The following ANTXR2 variants were observed in gnomAD, a reference collection of about 807,000 sequenced individuals.
The protein encoded by ANTXR2 is ANTXR cell adhesion molecule 2.
In ANTXR2, 44 loss-of-function variants were observed where a neutral mutation model predicts 73.7. The ratio of observed to expected loss-of-function variants is 0.60; its 90% CI spans 0.47 to 0.77. The LOEUF is 0.77. Ranked by LOEUF, ANTXR2 falls within the 30% of genes least tolerant of loss-of-function variation. ANTXR2 has a pLI of 0.00. For synonymous variants in ANTXR2, 217 were observed against 205.9 expected, an observed-to-expected ratio of 1.05 and a Z score of -0.46; for missense variants, 604 against 592.5, an observed-to-expected ratio of 1.02 and a Z score of -0.20.
Position 80,069,445 on chromosome 4 carries a change from G to A in ANTXR2, c.287C>T (p.Thr96Ile), listed in dbSNP as rs778730761. 3 of 1,597,726 alleles carry A rather than the reference G, an allele frequency of 1.9e-6. No homozygotes were observed. The highest frequency in any genetic ancestry group is 2.7e-5 in the African/African-American group (2 of 74,582). Reference sequence around the variant, plus strand: ...ATGATAATGCACTAACCTGTCTCCAGTTAATGGCAAAATAATAGTTGCTTG... The same window carrying A: ...ATGATAATGCACTAACCTGTCTCCAATTAATGGCAAAATAATAGTTGCTTG... ...SSQATIILPLTGDRGKISKGL... is the reference protein window; with the variant it reads ...SSQATIILPLIGDRGKISKGL... Residue 96 changes from threonine (T) to isoleucine (I), a missense_variant, in exon 3 of 17, where the codon ACT becomes ATT. Physicochemically the swap from Thr to Ile is moderately conservative, Grantham distance 89. Coordinates refer to ENST00000403729, the MANE Select transcript of ANTXR2 (RefSeq NM_058172.6).
At chr4:80,069,067 A>T (rs1008319422) in intron 3 of ANTXR2, among the ~76,000 whole-genome samples, 1 of 152,164 alleles carries the variant, frequency 6.6e-6, no homozygotes, top group Non-Finnish European at 1.5e-5. Flanking sequence ...ATCCAAAAGG[A>T]TCCATATCTT....
chr4:79,906,700 A>G lies in ANTXR2; in HGVS notation c.*729T>C, dbSNP rs1457143698. ...CTGGCTAGAGGCCTTCTGTGGAATAACGCTCTATTAATTTTCTTGTCCCGA... is the reference window on the plus strand; with the variant it reads ...CTGGCTAGAGGCCTTCTGTGGAATAGCGCTCTATTAATTTTCTTGTCCCGA... On this transcript the variant is annotated 3_prime_UTR_variant, in exon 17 of 17. Transcript: ENST00000403729. 1 of 152,628 alleles carries G rather than the reference A, an allele frequency of 6.6e-6. No individual in the cohort carries two copies. Among genetic ancestry groups the G allele is most frequent in the African/African-American group, 2.4e-5 (1 of 41,452 alleles). 9.5% of individuals were successfully genotyped at this position (152,628 alleles called of 1,614,324 possible). A position where few individuals can be genotyped will look rare whatever the true frequency, so the allele number is the denominator to read the frequency against.
At chr4:80,055,728 T>G (rs1457825087) in intron 4 of ANTXR2, among the ~76,000 whole-genome samples, 1 of 151,930 alleles carries the variant, frequency 6.6e-6, no homozygotes, top group Non-Finnish European at 1.5e-5. Context: ...GGAAAATTCC[T>G]TAAAAGGCAA....
At chr4:79,955,911 C>T (rs1232892489) in intron 16 of ANTXR2, among the ~76,000 whole-genome samples, 1 of 152,138 alleles carries the variant, frequency 6.6e-6, no homozygotes, top group Non-Finnish European at 1.5e-5. Context: ...TCTTGCATAA[C>T]TCACCTTCTC....
intron 12 of ANTXR2, among the ~76,000 whole-genome samples, chr4:79,994,422 A>G (rs1371808909): frequency 1.3e-5 from 2 of 152,054 alleles, no homozygotes; most frequent in African/African-American, 4.8e-5. Flanking sequence ...CTCTCACTAG[A>G]AAAAGGTCAA....
intron 16 of ANTXR2, among the ~76,000 whole-genome samples, chr4:79,958,607 G>C (rs1408586528): frequency 6.6e-6 from 1 of 152,088 alleles, no homozygotes; most frequent in Non-Finnish European, 1.5e-5. Flanking sequence ...CTTTGATCCT[G>C]TTATCTGCTG....
intron 16 of ANTXR2, among the ~76,000 whole-genome samples, chr4:79,966,888 A>G (rs1729388212): frequency 1.3e-5 from 2 of 150,416 alleles, no homozygotes; most frequent in Non-Finnish European, 3.0e-5. Flanking sequence ...TGTGCTGGCG[A>G]CTATAAGAAT....
At chr4:79,947,142 A>C (rs193248633) in intron 16 of ANTXR2, among the ~76,000 whole-genome samples, 8 of 152,320 alleles carry the variant, frequency 5.3e-5, no homozygotes, top group Admixed American at 3.9e-4. Flanking sequence ...GCAGTTCTTC[A>C]GTTCTTCCCA....
chr4:79,989,862 A>G (rs1472610390), intron 12 of ANTXR2, among the ~76,000 whole-genome samples: 4 of 152,170 alleles, frequency 2.6e-5, no homozygotes, highest in Non-Finnish European at 5.9e-5. Flanking sequence ...CATTACATGA[A>G]CAGAACTAAA....
chr4:80,055,336 G>A, intron 5 of ANTXR2, 24 bp downstream of exon 5: 1 of 1,591,992 alleles, frequency 6.3e-7, no homozygotes, highest in Non-Finnish European at 8.6e-7. Context: ...GGGGTGTAGA[G>A]AACAGTCTCA....
At chr4:79,947,549 C>T (rs561560047) in intron 16 of ANTXR2, among the ~76,000 whole-genome samples, 1 of 152,292 alleles carries the variant, frequency 6.6e-6, no homozygotes, top group African/African-American at 2.4e-5. Flanking sequence ...AAAACACTTA[C>T]TGCACAAGCA....
At chr4:79,936,979 T>C (rs2109968881) in intron 16 of ANTXR2, among the ~76,000 whole-genome samples, 1 of 152,312 alleles carries the variant, frequency 6.6e-6, no homozygotes, top group East Asian at 1.9e-4. Context: ...GGATAATTGA[T>C]TATGTATTCA....
chr4:80,007,629 T>C (rs1731370279), intron 12 of ANTXR2, among the ~76,000 whole-genome samples: 1 of 152,146 alleles, frequency 6.6e-6, no homozygotes, highest in Admixed American at 6.6e-5. Flanking sequence ...CTGGAGGACC[T>C]TTCCCAGCTG....
At position 80,055,456 on chromosome 4, in the gene ANTXR2, T is replaced by C. The variant is rs1400847192; in HGVS notation, c.390A>G (p.Gln130=). ...IHEGLKLANE[Q]IQKAGGLKTS... is the part of the protein sequence containing the mutation. The stretch of plus-strand genomic sequence containing the variant: ...TTTTCAAGCCTCCTGCTTTCTGAAT[T>C]TGTTCATTCGCCTGAAAATGAAGAA... Residue 130 remains glutamine, a synonymous_variant, in exon 5 of 17, where the codon CAA becomes CAG. Transcript: ENST00000403729. 5.0e-6 allele frequency: 8 copies of C among 1,609,644 alleles called. No individual in the cohort carries two copies. Among genetic ancestry groups the C allele is most frequent in the Non-Finnish European group, 6.8e-6 (8 of 1,177,476 alleles).
At chr4:79,926,158 T>G (rs559027203) in intron 16 of ANTXR2, among the ~76,000 whole-genome samples, 1 of 152,278 alleles carries the variant, frequency 6.6e-6, no homozygotes, top group African/African-American at 2.4e-5. Flanking sequence ...CAATAAATAC[T>G]TTTAAATAAG....
At chr4:79,998,628 A>G (rs1053700214) in intron 12 of ANTXR2, among the ~76,000 whole-genome samples, 13 of 152,058 alleles carry the variant, frequency 8.5e-5, no homozygotes, top group Non-Finnish European at 1.6e-4. Context: ...TCAAAACAGG[A>G]TAAGTTTTGT....
rs1733937036 is a variant in ANTXR2 at position 80,055,217 on chromosome 4, G to A, written c.488C>T (p.Ala163Val). 1.6e-5 allele frequency: 25 copies of A among 1,567,498 alleles called. No homozygotes were observed. The highest frequency in any genetic ancestry group is 2.2e-5 in the Non-Finnish European group (25 of 1,154,514). ...AGCCCCAAGTGACCTGGATATCTTT[G>A]CCTATGGAGAATGAGGAGGGAAAGA... is the stretch of plus-strand genomic sequence containing the variant. ...GLVPSYAEKEAKISRSLGASV... is the reference protein window; with the variant it reads ...GLVPSYAEKEVKISRSLGASV... Residue 163 changes from alanine (A) to valine (V), a missense_variant and splice_region_variant, in exon 6 of 17, where the codon GCA becomes GTA. By Grantham distance (64) the Ala-to-Val change is moderately conservative. Transcript: ENST00000403729.
chr4:79,926,969 G>GTA lies in ANTXR2; in HGVS notation c.1429-19504_1429-19503dup, dbSNP rs33952121. Among the ~76,000 whole-genome samples, 716 of 81,006 alleles carry GTA rather than the reference G, an allele frequency of 8.8e-3. 26 individuals carry two copies. The highest frequency in any genetic ancestry group is 0.055 in the South Asian group (171 of 3,104). The allele number at this position is 81,006 out of a possible 152,430, so 53.1% of individuals were successfully genotyped here. A position where few individuals can be genotyped will look rare whatever the true frequency, so the allele number is the denominator to read the frequency against. On this transcript the variant is annotated intron_variant, in intron 16 of 16. Coordinates refer to ENST00000403729, the MANE Select transcript of ANTXR2 (RefSeq NM_058172.6). ...TGTATATATACGTGTGCATATATGT[G>GTA]TATATATACGTGTGCATATATGTGT...
chr4:79,997,137 G>A (rs1405119909), intron 12 of ANTXR2, among the ~76,000 whole-genome samples: 1 of 151,780 alleles, frequency 6.6e-6, no homozygotes, highest in East Asian at 1.9e-4. Context: ...AAATGTTCAA[G>A]TGATATGGGC....
Sources: gnomAD v4.1 joint callset for allele counts (sites outside exome capture counted in the v4.1 genomes callset) on GRCh38, gnomAD v4.1.1 for gene constraint, MANE v1.5 for transcripts, NCBI Gene and HGNC (gene_info 2026-07-23, HGNC 2026-07-21) for gene names.